The following ANK2 variants were observed in gnomAD, a reference collection of about 807,000 sequenced individuals.
ANK2 encodes the protein ankyrin 2.
ANK2 carries 83 observed loss-of-function variants against 360.5 expected under a neutral mutation model. That is an observed-to-expected ratio of 0.23 (90% CI 0.19 to 0.28). The LOEUF (loss-of-function observed/expected upper bound fraction) is 0.28. Among genes scored for constraint, ANK2 ranks in the 10% least tolerant of loss-of-function variants. ANK2 has a pLI of 1.00. For synonymous variants in ANK2, 1,740 were observed against 1,759.5 expected (o/e 0.99, Z 0.28); for missense variants, 4,201 against 4,795.7 (o/e 0.88, Z 3.66).
intron 1 of ANK2, among the ~76,000 whole-genome samples, chr4:112,831,596 G>A (rs1387225474): frequency 2.0e-5 from 3 of 152,078 alleles, no homozygotes; most frequent in Non-Finnish European, 2.9e-5. Flanking sequence ...CTGTAAAATG[G>A]ACCAATCAGC....
At chr4:112,955,711 A>C (rs2095299364) in intron 2 of ANK2, among the ~76,000 whole-genome samples, 1 of 152,194 alleles carries the variant, frequency 6.6e-6, no homozygotes. Context: ...GCCAGGAATA[A>C]TAAAATGTTA....
chr4:112,914,868 G>A (rs2089188257), intron 2 of ANK2, among the ~76,000 whole-genome samples: 1 of 152,272 alleles, frequency 6.6e-6, no homozygotes, highest in East Asian at 1.9e-4. Context: ...ATGTTTGTCT[G>A]TTGGGGGAAA....
intron 2 of ANK2, 113 bp downstream of exon 2, chr4:113,174,630 G>T (rs757292523): frequency 2.5e-5 from 22 of 885,574 alleles, no homozygotes; most frequent in Non-Finnish European, 3.5e-5. Context: ...CAGTGACTCA[G>T]ACTTCTGAAA....
At chr4:113,289,090 G>T (rs1355483473) in intron 20 of ANK2, among the ~76,000 whole-genome samples, 2 of 152,078 alleles carry the variant, frequency 1.3e-5, no homozygotes, top group East Asian at 3.9e-4. Flanking sequence ...GGTTCAAGGT[G>T]AATAGAAGTT....
At chr4:112,714,035 T>C in the ANK2 span, among the ~76,000 whole-genome samples, 1 of 152,250 alleles carries the variant, frequency 6.6e-6, no homozygotes, top group Non-Finnish European at 1.5e-5. Context: ...CTTATTGCTC[T>C]GCGTCCTTGT....
At chr4:113,378,967 C>T (rs1256515841) in intron 45 of ANK2, among the ~76,000 whole-genome samples, 1 of 152,058 alleles carries the variant, frequency 6.6e-6, no homozygotes, top group Non-Finnish European at 1.5e-5. Flanking sequence ...TTGTGCTTCT[C>T]ACTTCATTGA....
chr4:113,052,796 G>A (rs931838), intron 1 of ANK2, among the ~76,000 whole-genome samples: 75,935 of 151,854 alleles, frequency 0.5, 20,768 homozygotes, highest in East Asian at 0.6. Context: ...CTCAGTAAAC[G>A]GGTGCCAGGA....
At chr4:112,812,343 G>T in the ANK2 span, among the ~76,000 whole-genome samples, 1 of 152,128 alleles carries the variant, frequency 6.6e-6, no homozygotes, top group Non-Finnish European at 1.5e-5. Flanking sequence ...AATATATTCA[G>T]TCTCACATGG....
In ANK2 at chr4:112,850,504, CTTTTTTTTTTTTTTTTTTTT is replaced by C. The variant is rs60510554; in HGVS notation, c.-40+32251_-40+32270del. 1.5e-3 allele frequency among the ~76,000 whole-genome samples: 9 copies of C among 5,820 alleles called. No homozygotes were observed. In the East Asian group the frequency reaches 0.066, roughly 43 times the overall value. 3.8% of individuals were successfully genotyped at this position (5,820 alleles called of 152,430 possible). On this transcript the variant is annotated intron_variant, in intron 1 of 30. Transcript: ENST00000503271. ...TTTTTTTAACATTTCCTGTGCTAGT[CTTTTTTTTTTTTTTTTTTTT>C]TTTTTTTTTTGAGACAGAGTCTCTC...
intron 1 of ANK2, among the ~76,000 whole-genome samples, chr4:112,883,083 G>A (rs1184483135): frequency 7.9e-6 from 1 of 126,662 alleles, no homozygotes; most frequent in Non-Finnish European, 1.6e-5. Context: ...CTTTTGCCCA[G>A]GCTGGAGTGC....
At chr4:113,251,551 C>T (rs1487096353) in intron 10 of ANK2, among the ~76,000 whole-genome samples, 3 of 139,274 alleles carry the variant, frequency 2.2e-5, no homozygotes, top group Admixed American at 7.8e-5. Flanking sequence ...GGCACGATCT[C>T]GGCTCACTGC....
chr4:113,008,477 A>G (rs1015071040), intron 2 of ANK2, among the ~76,000 whole-genome samples: 2 of 152,342 alleles, frequency 1.3e-5, no homozygotes, highest in South Asian at 2.1e-4. Context: ...ATAAGCCAAT[A>G]GGCTCAAATT....
In ANK2 at chr4:112,826,807, C is replaced by G. The variant is rs1406488710; in HGVS notation, c.-40+8543C>G. 3 of 1,146,730 alleles carry G rather than the reference C, an allele frequency of 2.6e-6. No homozygotes were observed. In the Admixed American group the frequency reaches 6.1e-5, roughly 23 times the overall value. The allele number at this position is 1,146,730 out of a possible 1,614,324, so 71.0% of individuals were successfully genotyped here. On this transcript the variant is annotated intron_variant, in intron 1 of 30. Transcript: ENST00000503271. ...AAAATTCTGTTGCTTCAAGCATCTT[C>G]TACTCAAAAAAATAAAGTAAAAGAG... is the stretch of plus-strand genomic sequence containing the variant.
intron 4 of ANK2, among the ~76,000 whole-genome samples, chr4:113,229,072 A>G (rs1345054162): frequency 6.6e-6 from 1 of 152,176 alleles, no homozygotes. Flanking sequence ...CACATATTCA[A>G]GCTTTGTTCA....
intron 1 of ANK2, among the ~76,000 whole-genome samples, chr4:113,089,444 A>G (rs539933336): frequency 2.9e-4 from 44 of 152,354 alleles, no homozygotes; most frequent in Non-Finnish European, 4.1e-4. Context: ...TTGAAAACCT[A>G]TAAATAGAGC....
chr4:113,262,911 C>T (rs1043091101), intron 13 of ANK2, among the ~76,000 whole-genome samples: 13 of 151,684 alleles, frequency 8.6e-5, no homozygotes, highest in South Asian at 6.2e-4. Context: ...TTAGCCTTGC[C>T]GGGCACGGTG....
chr4:113,021,436 A>C (rs1262773933), intron 2 of ANK2, among the ~76,000 whole-genome samples: 1 of 151,114 alleles, frequency 6.6e-6, no homozygotes, highest in South Asian at 2.1e-4. Context: ...CTCTTGTTTC[A>C]AGACAATATG....
rs770724779 is a variant in ANK2, at chr4:113,353,188, G to A, written c.4570G>A (p.Asp1524Asn). The change falls in exon 38 of 46, where the codon GAT (aspartate) becomes AAT (asparagine). Residue 1524 changes from aspartate to asparagine, a missense_variant. Asp to Asn is a conservative substitution (Grantham distance 23). Transcript: ENST00000357077. ...CAAAATGACCGCCATCTTGACCACA[G>A]ATGTGTCTGATAAGGCAGGTTCTAT... ...LIKMTAILTT[D>N]VSDKAGSIKV... 2 of 1,614,076 alleles carry A rather than the reference G, an allele frequency of 1.2e-6. No individual in the cohort carries two copies. Among genetic ancestry groups the A allele is most frequent in the East Asian group, 4.5e-5 (2 of 44,880 alleles).
At chr4:113,215,812 CA>C (rs201402045) in intron 4 of ANK2, among the ~76,000 whole-genome samples, 3,343 of 152,092 alleles carry the variant, frequency 0.022, 53 homozygotes, top group Non-Finnish European at 0.03. Context: ...AAAACAAAAA[CA>C]AAAAAACCCA....
Sources: allele counts gnomAD v4.1 joint callset (sites outside exome capture counted in the v4.1 genomes callset), GRCh38; gene constraint gnomAD v4.1.1; transcripts MANE v1.5; gene names NCBI Gene and HGNC (gene_info 2026-07-23, HGNC 2026-07-21).